DCAF8L2: variants seen among roughly 807,000 people sequenced by gnomAD.
The protein encoded by DCAF8L2 is DDB1 and CUL4 associated factor 8 like 2.
For missense variants in DCAF8L2, 430 were observed against 490.7 expected, an observed-to-expected ratio of 0.88 and a Z score of 1.17; for synonymous variants, 200 against 190.9, an observed-to-expected ratio of 1.05 and a Z score of -0.39.
intron 1 of DCAF8L2, among the ~76,000 whole-genome samples, chrX:27,592,417 G>GTTTTTGTT (rs1926143487): frequency 1.2e-5 from 1 of 83,954 alleles, no homozygotes; most frequent in Non-Finnish European, 2.2e-5. Context: ...GTTTGTTTTT[G>GTTTTTGTT]TTTTTTTTTT....
At chrX:27,494,400 C>T in the DCAF8L2 span, among the ~76,000 whole-genome samples, 15 of 110,555 alleles carry the variant, frequency 1.4e-4, no homozygotes, top group Non-Finnish European at 2.1e-4. Flanking sequence ...AGCAAGACTC[C>T]GTCTCAAAAA....
chrX:27,634,864 C>A (rs1928432063), intron 2 of DCAF8L2, among the ~76,000 whole-genome samples: 1 of 110,032 alleles, frequency 9.1e-6, no homozygotes, highest in Admixed American at 9.8e-5. Flanking sequence ...CCCAAGATAT[C>A]TCATCATGTA....
intron 3 of DCAF8L2, among the ~76,000 whole-genome samples, chrX:27,695,325 G>T: frequency 8.9e-6 from 1 of 112,295 alleles, no homozygotes; most frequent in Non-Finnish European, 1.9e-5. Context: ...AATTTATGCA[G>T]AGCAACTTTA....
At chrX:27,540,029 G>A in the DCAF8L2 span, among the ~76,000 whole-genome samples, 1 of 110,411 alleles carries the variant, frequency 9.1e-6, no homozygotes. Flanking sequence ...TGTGCTACTA[G>A]GTCAATCACT....
chrX:27,678,901 A>C (rs769696740), intron 3 of DCAF8L2, among the ~76,000 whole-genome samples: 3 of 111,926 alleles, frequency 2.7e-5, no homozygotes, highest in South Asian at 7.4e-4. Flanking sequence ...TCCTAGGCTA[A>C]AGATGTAAAT....
the DCAF8L2 span, among the ~76,000 whole-genome samples, chrX:27,547,473 A>C: frequency 4.5e-5 from 5 of 112,022 alleles, no homozygotes; most frequent in Non-Finnish European, 9.4e-5. Context: ...AGACAGAGTA[A>C]TTTATAAAGA....
At chrX:27,528,566 A>G in the DCAF8L2 span, among the ~76,000 whole-genome samples, 1 of 106,788 alleles carries the variant, frequency 9.4e-6, no homozygotes, top group Non-Finnish European at 1.9e-5. Context: ...TATAACTTTA[A>G]TGACAATGAA....
intron 2 of DCAF8L2, among the ~76,000 whole-genome samples, chrX:27,642,666 G>A (rs937787404): frequency 9.0e-6 from 1 of 111,627 alleles, no homozygotes; most frequent in Admixed American, 9.5e-5. Context: ...ACACTGCTGG[G>A]CTTTCCCCAG....
At chrX:27,628,626 C>T (rs1314192324) in intron 1 of DCAF8L2, among the ~76,000 whole-genome samples, 3 of 99,251 alleles carry the variant, frequency 3.0e-5, no homozygotes, top group East Asian at 3.3e-4. Context: ...TTTTTTGAGA[C>T]GGAGTCTCGC....
chrX:27,532,836 G>A, the DCAF8L2 span, among the ~76,000 whole-genome samples: 5 of 106,601 alleles, frequency 4.7e-5, no homozygotes, highest in South Asian at 4.3e-4. Context: ...AGCACTTTGC[G>A]GGGCTGAAGC....
intron 1 of DCAF8L2, among the ~76,000 whole-genome samples, chrX:27,627,691 C>G (rs763788222): frequency 9.3e-6 from 1 of 107,079 alleles, no homozygotes; most frequent in Admixed American, 1.2e-4. Flanking sequence ...GTCAGGAGAT[C>G]GAGACCCTCC....
intron 4 of DCAF8L2, among the ~76,000 whole-genome samples, chrX:27,720,702 A>G (rs1167263104): frequency 8.9e-6 from 1 of 111,884 alleles, no homozygotes; most frequent in African/African-American, 3.2e-5. Flanking sequence ...TATTTATTAT[A>G]ATCAACCTAT....
At chrX:27,598,666 G>C (rs1008722053) in intron 1 of DCAF8L2, among the ~76,000 whole-genome samples, 1 of 111,629 alleles carries the variant, frequency 9.0e-6, no homozygotes, top group Non-Finnish European at 1.9e-5. Flanking sequence ...CTGCTTAAAA[G>C]GTGACTGATC....
intron 2 of DCAF8L2, among the ~76,000 whole-genome samples, chrX:27,635,294 G>A (rs985527898): frequency 3.6e-5 from 4 of 111,200 alleles, no homozygotes; most frequent in African/African-American, 1.3e-4. Flanking sequence ...AATATTATTT[G>A]GAGTGAGTGA....
the DCAF8L2 span, among the ~76,000 whole-genome samples, chrX:27,492,669 C>T: frequency 2.7e-5 from 3 of 110,370 alleles, no homozygotes; most frequent in East Asian, 2.9e-4. Flanking sequence ...TTAGTAGAGA[C>T]GGGGTTTCTC....
intron 4 of DCAF8L2, among the ~76,000 whole-genome samples, chrX:27,721,468 A>G (rs1442125692): frequency 8.9e-6 from 1 of 111,848 alleles, no homozygotes; most frequent in Non-Finnish European, 1.9e-5. Context: ...TTAAATAAAT[A>G]CAAATGGACA....
intron 3 of DCAF8L2, among the ~76,000 whole-genome samples, chrX:27,715,086 T>C (rs1181025215): frequency 9.1e-6 from 1 of 110,066 alleles, no homozygotes; most frequent in Non-Finnish European, 1.9e-5. Context: ...TGAGTGGAAA[T>C]GGGAGTCAAA....
intron 3 of DCAF8L2, chrX:27,712,587 A>G (rs893505674): frequency 2.7e-5 from 3 of 111,763 alleles, no homozygotes; most frequent in African/African-American, 9.8e-5. Context: ...TACCAGAAAC[A>G]TTTCTAGTTT....
At chrX:27,586,408 A>T (rs780415396), upstream of DCAF8L2, among the ~76,000 whole-genome samples, 3 of 111,385 alleles carry the variant, frequency 2.7e-5, no homozygotes, top group Admixed American at 2.9e-4. Context: ...TATTAAGTTG[A>T]TGCGAATGTG....
Sources: allele counts gnomAD v4.1 joint callset (sites outside exome capture counted in the v4.1 genomes callset), GRCh38; gene constraint gnomAD v4.1.1; transcripts MANE v1.5; gene names NCBI Gene and HGNC (gene_info 2026-07-23, HGNC 2026-07-21).